KCNH5: variants seen among roughly 807,000 people sequenced by gnomAD.
The protein encoded by KCNH5 is potassium voltage-gated channel subfamily H member 5, also known as voltage-gated delayed rectifier potassium channel KCNH5.
In KCNH5, 46 loss-of-function variants were observed where a neutral mutation model predicts 96.1. The observed-to-expected ratio is 0.48, with a 90% confidence interval of 0.38 to 0.61. KCNH5 has a LOEUF of 0.61. Among genes scored for constraint, KCNH5 ranks in the 20% least tolerant of loss-of-function variants. KCNH5 has a pLI of 0.00. For missense variants in KCNH5, 907 were observed against 1,225.8 expected, an observed-to-expected ratio of 0.74 and a Z score of 3.88; for synonymous variants, 439 against 449.8, an observed-to-expected ratio of 0.98 and a Z score of 0.30.
At chr14:62,963,882 G>A (rs751261496) in intron 6 of KCNH5, among the ~76,000 whole-genome samples, 13 of 152,068 alleles carry the variant, frequency 8.5e-5, no homozygotes, top group Non-Finnish European at 1.9e-4. Context: ...CTCAACTAAA[G>A]ATCTACAAAC....
At chr14:63,020,994 AATG>A (rs544515809) in intron 1 of KCNH5, among the ~76,000 whole-genome samples, 26 of 152,278 alleles carry the variant, frequency 1.7e-4, no homozygotes, top group African/African-American at 5.8e-4. Flanking sequence ...TCTATAAATA[AATG>A]ATGTTTTCTT....
At chr14:62,936,543 T>C (rs1223700839) in intron 7 of KCNH5, among the ~76,000 whole-genome samples, 2 of 151,520 alleles carry the variant, frequency 1.3e-5, no homozygotes, top group Non-Finnish European at 2.9e-5. Flanking sequence ...GGCATGGTGG[T>C]GCATGCCTGT....
At chr14:63,023,622 T>C (rs943513865) in intron 1 of KCNH5, among the ~76,000 whole-genome samples, 3 of 152,106 alleles carry the variant, frequency 2.0e-5, no homozygotes. Context: ...GATATAGATA[T>C]ATAAACATTC....
chr14:63,034,304 G>A (rs1256427257), intron 1 of KCNH5, among the ~76,000 whole-genome samples: 1 of 152,182 alleles, frequency 6.6e-6, no homozygotes, highest in Non-Finnish European at 1.5e-5. Context: ...GGAAAAATCT[G>A]AAGCATATAT....
chr14:62,926,987 CTGCTGAGAGATG>C lies in KCNH5; in HGVS notation c.1369+23134_1369+23145del, dbSNP rs1889488524. ...ACGAGCAGAATGTGGATTATAAGCACTGCTGAGAGATGATATAAACCCAATAAAAGGCAAACA... is the reference window on the plus strand; with the variant it reads ...ACGAGCAGAATGTGGATTATAAGCACATATAAACCCAATAAAAGGCAAACA... On this transcript the variant is annotated intron_variant, in intron 7 of 10. Transcript: ENST00000322893. 2.0e-5 allele frequency among the ~76,000 whole-genome samples: 3 copies of C among 152,028 alleles called. No homozygotes were observed. In the South Asian group the frequency reaches 6.2e-4, roughly 32 times the overall value.
intron 10 of KCNH5, among the ~76,000 whole-genome samples, chr14:62,722,873 G>A (rs946712511): frequency 2.0e-5 from 3 of 152,106 alleles, no homozygotes; most frequent in Admixed American, 1.3e-4. Flanking sequence ...GTAAACAGCC[G>A]AGCTCTGACT....
intron 6 of KCNH5, among the ~76,000 whole-genome samples, chr14:62,973,999 C>G (rs577132970): frequency 6.6e-6 from 1 of 152,004 alleles, no homozygotes; most frequent in Non-Finnish European, 1.5e-5. Context: ...AAATTATTAA[C>G]GTAATTATAC....
chr14:62,930,192 C>G (rs1280508875), intron 7 of KCNH5, among the ~76,000 whole-genome samples: 1 of 152,028 alleles, frequency 6.6e-6, no homozygotes, highest in Non-Finnish European at 1.5e-5. Flanking sequence ...GTTTTAAGTT[C>G]TTTCAGAAAT....
At chr14:62,910,014 C>T (rs890368661) in intron 7 of KCNH5, among the ~76,000 whole-genome samples, 3 of 151,904 alleles carry the variant, frequency 2.0e-5, no homozygotes, top group Non-Finnish European at 4.4e-5. Context: ...TGTTCACTAA[C>T]GTAACTCAAG....
chr14:62,746,010 G>A (rs1368354884), intron 10 of KCNH5, among the ~76,000 whole-genome samples: 1 of 152,192 alleles, frequency 6.6e-6, no homozygotes, highest in East Asian at 1.9e-4. Context: ...ACAAAGCTGT[G>A]TGGAGAACAA....
chr14:62,840,133 T>G (rs1300940890), intron 8 of KCNH5, among the ~76,000 whole-genome samples: 1 of 152,212 alleles, frequency 6.6e-6, no homozygotes, highest in Non-Finnish European at 1.5e-5. Flanking sequence ...AATACCATAG[T>G]TTCCTTCCAT....
At chr14:62,759,716 G>T (rs772637041) in intron 10 of KCNH5, among the ~76,000 whole-genome samples, 28 of 151,866 alleles carry the variant, frequency 1.8e-4, no homozygotes, top group Non-Finnish European at 3.4e-4. Flanking sequence ...CCATAAAATT[G>T]CTGGTTCAAA....
chr14:62,961,387 A>T (rs1320138085), intron 6 of KCNH5, among the ~76,000 whole-genome samples: 1 of 152,136 alleles, frequency 6.6e-6, no homozygotes, highest in Non-Finnish European at 1.5e-5. Context: ...TGTCTGGTGA[A>T]TTCCTATGCA....
At chr14:62,942,884 C>T (rs191730158) in intron 7 of KCNH5, among the ~76,000 whole-genome samples, 1 of 152,276 alleles carries the variant, frequency 6.6e-6, no homozygotes, top group African/African-American at 2.4e-5. Flanking sequence ...CATTGCATCA[C>T]AGCAGGACAA....
intron 5 of KCNH5, among the ~76,000 whole-genome samples, chr14:62,985,202 G>A (rs117882519): frequency 0.053 from 8,011 of 152,144 alleles, 349 homozygotes; most frequent in Non-Finnish European, 0.075. Context: ...ATTATTACTA[G>A]TTAATATTTA....
At position 63,037,786 on chromosome 14, in the gene KCNH5, G is replaced by C. The variant is rs150100868; in HGVS notation, c.73+7328C>G. 2.6e-5 allele frequency among the ~76,000 whole-genome samples: 4 copies of C among 152,274 alleles called. No individual in the cohort carries two copies. In the East Asian group the frequency reaches 7.7e-4, roughly 29 times the overall value. ...TGCTGCATACTGCACAGGGCTGTAA[G>C]CTGCTCCCCAAGGCAAAACTCACTC... On this transcript the variant is annotated intron_variant, in intron 1 of 10. Coordinates refer to ENST00000322893, the MANE Select transcript of KCNH5 (RefSeq NM_139318.5).
chr14:63,019,989 C>G (rs1211990492), intron 1 of KCNH5, among the ~76,000 whole-genome samples: 1 of 151,892 alleles, frequency 6.6e-6, no homozygotes. Context: ...AACAAACAAC[C>G]CAAGTATCAA....
At chr14:62,907,702 C>A (rs1195782788) in intron 7 of KCNH5, among the ~76,000 whole-genome samples, 1 of 152,152 alleles carries the variant, frequency 6.6e-6, no homozygotes, top group Non-Finnish European at 1.5e-5. Flanking sequence ...CCTAGTCATT[C>A]CGTTTTGTCA....
intron 1 of KCNH5, among the ~76,000 whole-genome samples, chr14:63,021,340 C>G (rs80268764): frequency 9.5e-4 from 145 of 152,250 alleles, no homozygotes; most frequent in African/African-American, 3.4e-3. Flanking sequence ...TCTCACCTTC[C>G]CTACCTATAC....
Sources: allele counts gnomAD v4.1 joint callset (sites outside exome capture counted in the v4.1 genomes callset), GRCh38; gene constraint gnomAD v4.1.1; transcripts MANE v1.5; gene names NCBI Gene and HGNC (gene_info 2026-07-23, HGNC 2026-07-21).